Variants in TECPR2 observed in about 807,000 individuals in gnomAD.
TECPR2 encodes tectonin beta-propeller repeat containing 2.
A neutral mutation model predicts 138.1 loss-of-function variants in TECPR2; 65 were observed. The observed-to-expected ratio is 0.47, with a 90% CI of 0.39 to 0.58. The LOEUF is 0.58. Among genes scored for constraint, TECPR2 ranks in the 20% least tolerant of loss-of-function variants. The pLI is 0.00. For synonymous variants in TECPR2, 746 were observed against 749.8 expected (o/e 0.99, Z 0.08); for missense variants, 1,553 against 1,824.5 (o/e 0.85, Z 2.71).
chr14:102,383,717 CT>C (rs1343672073), intron 2 of TECPR2, among the ~76,000 whole-genome samples: 6 of 151,176 alleles, frequency 4.0e-5, no homozygotes, highest in African/African-American at 1.5e-4. Flanking sequence ...CCCGTATTGT[CT>C]TTTAGAAAAA....
At chr14:102,386,139 A>G (rs1887995217) in intron 2 of TECPR2, among the ~76,000 whole-genome samples, 1 of 152,048 alleles carries the variant, frequency 6.6e-6, no homozygotes. Context: ...TAGGATATCA[A>G]ACTTATAATT....
rs1888469406 is a variant in TECPR2, at chr14:102,401,265, C to G, written c.220-6073C>G. Among the ~76,000 whole-genome samples, 4 of 151,610 alleles carry G rather than the reference C, an allele frequency of 2.6e-5. No homozygotes were observed. In the South Asian group the frequency reaches 8.3e-4, roughly 32 times the overall value. ...ACCAGCCTGGGTAACATGGTGAAACCCAAACTCTACTAAAAATACAAACAT... is the reference window on the plus strand; with the variant it reads ...ACCAGCCTGGGTAACATGGTGAAACGCAAACTCTACTAAAAATACAAACAT... On this transcript the variant is annotated intron_variant, in intron 2 of 19. Coordinates refer to ENST00000359520, the MANE Select transcript of TECPR2 (RefSeq NM_014844.5).
At chr14:102,418,534 C>T (rs1406551895) in intron 5 of TECPR2, among the ~76,000 whole-genome samples, 2 of 152,228 alleles carry the variant, frequency 1.3e-5, no homozygotes, top group African/African-American at 2.4e-5. Flanking sequence ...GAGGGCCCTG[C>T]GCACCGAGGA....
intron 17 of TECPR2, among the ~76,000 whole-genome samples, chr14:102,474,631 A>G (rs983636243): frequency 6.6e-6 from 1 of 152,228 alleles, no homozygotes; most frequent in Non-Finnish European, 1.5e-5. Flanking sequence ...TCTCAAAAAA[A>G]AGACTATTTT....
intron 5 of TECPR2, among the ~76,000 whole-genome samples, chr14:102,418,999 C>T (rs1010599557): frequency 6.6e-6 from 1 of 152,022 alleles, no homozygotes; most frequent in African/African-American, 2.4e-5. Context: ...ATGTCCTCTC[C>T]CTGCAGTGGA....
At chr14:102,397,883 C>T (rs1888356905) in intron 2 of TECPR2, among the ~76,000 whole-genome samples, 1 of 151,858 alleles carries the variant, frequency 6.6e-6, no homozygotes, top group Non-Finnish European at 1.5e-5. Context: ...GCCTGGCCAA[C>T]ATGTTGAAAC....
intron 17 of TECPR2, among the ~76,000 whole-genome samples, chr14:102,471,878 C>T (rs1218386069): frequency 1.3e-5 from 2 of 152,188 alleles, no homozygotes; most frequent in East Asian, 3.9e-4. Context: ...CTGTTACTTC[C>T]TCCACACATT....
chr14:102,457,828 C>T (rs1339495246), intron 16 of TECPR2, among the ~76,000 whole-genome samples: 1 of 148,668 alleles, frequency 6.7e-6, no homozygotes, highest in African/African-American at 2.5e-5. Flanking sequence ...CCCAATTGTG[C>T]TCTTCTTCCT....
At chr14:102,480,841 GTTTTTTTTT>G (rs71119706) in intron 17 of TECPR2, among the ~76,000 whole-genome samples, 2 of 75,182 alleles carry the variant, frequency 2.7e-5, no homozygotes, top group African/African-American at 5.3e-5. Flanking sequence ...TTGGTTTTGG[GTTTTTTTTT>G]TTTTTTTTTT....
At chr14:102,429,394 G>A (rs1889408956) in intron 7 of TECPR2, among the ~76,000 whole-genome samples, 1 of 152,192 alleles carries the variant, frequency 6.6e-6, no homozygotes, top group Non-Finnish European at 1.5e-5. Flanking sequence ...ATTTAAATCT[G>A]TCATCTGGGA....
intron 2 of TECPR2, among the ~76,000 whole-genome samples, chr14:102,387,264 C>T (rs1888031997): frequency 6.6e-6 from 1 of 152,072 alleles, no homozygotes; most frequent in African/African-American, 2.4e-5. Flanking sequence ...TTTTTTTCTA[C>T]AGAAGTTAGT....
At chr14:102,390,180 G>GT (rs559256018) in intron 2 of TECPR2, among the ~76,000 whole-genome samples, 206 of 152,298 alleles carry the variant, frequency 1.4e-3, no homozygotes, top group African/African-American at 4.9e-3. Context: ...TCCCAATGTA[G>GT]TTTTGTCTTG....
Position 102,443,195 on chromosome 14 carries a change from C to T in TECPR2, c.2753-452C>T, listed in dbSNP as rs1393177447. Among the ~76,000 whole-genome samples the T allele has an allele frequency of 6.6e-6, 1 of 152,256 alleles. No homozygotes were observed. Among genetic ancestry groups the T allele is most frequent in the African/African-American group, 2.4e-5 (1 of 41,470 alleles). ...GCCTTTGGGCCTCCATCTGGCCACT[C>T]TCCTGCTCTTGGCTTTTGTGTTCTT... On this transcript the variant is annotated intron_variant, in intron 11 of 19. Transcript: ENST00000359520. The surrounding 1 kb of genome is among the most constrained non-coding windows in gnomAD (Gnocchi z 4.9).
intron 17 of TECPR2, among the ~76,000 whole-genome samples, chr14:102,484,993 T>C (rs188591747): frequency 3.9e-4 from 60 of 152,318 alleles, no homozygotes; most frequent in Non-Finnish European, 8.8e-5. Context: ...CCTCTCATGG[T>C]AGTGGTGCTT....
intron 16 of TECPR2, among the ~76,000 whole-genome samples, chr14:102,452,903 G>A (rs966971133): frequency 6.6e-6 from 1 of 152,172 alleles, no homozygotes; most frequent in African/African-American, 2.4e-5. Flanking sequence ...CGCTGCGAGC[G>A]GCTTGAAGGA....
chr14:102,445,700 CTT>C (rs1290676717), intron 12 of TECPR2, 104 bp from the exon 13 acceptor site: 1 of 1,427,504 alleles, frequency 7.0e-7, no homozygotes, highest in African/African-American at 1.4e-5. Context: ...GGCCACGTCT[CTT>C]CTCCCAGCCA....
chr14:102,487,793 G>C (rs545403190), intron 17 of TECPR2, among the ~76,000 whole-genome samples: 15 of 151,138 alleles, frequency 9.9e-5, no homozygotes, highest in African/African-American at 3.6e-4. Flanking sequence ...CGCCCACCTC[G>C]GCCTCCCAAA....
chr14:102,490,390 C>T lies in TECPR2; in HGVS notation c.3790-6589C>T, dbSNP rs550689362. On this transcript the variant is annotated intron_variant, in intron 17 of 19. Coordinates refer to ENST00000359520, the MANE Select transcript of TECPR2 (RefSeq NM_014844.5). ...ATCATGTCATGACACCCAGGGTGTG[C>T]CCAGAGCCCCAGCAGGCAGGACTGC... Among the ~76,000 whole-genome samples the T allele has an allele frequency of 2.3e-4, 35 of 152,338 alleles. 1 individual carries two copies. In the South Asian group the frequency reaches 7.2e-3, roughly 32 times the overall value.
At chr14:102,396,657 T>C (rs4900536) in intron 2 of TECPR2, among the ~76,000 whole-genome samples, 99,965 of 151,926 alleles carry the variant, frequency 0.66, 33,502 homozygotes, top group Middle Eastern at 0.76. Context: ...TCTACTGAGG[T>C]TTACACATTC....
Sources: allele counts gnomAD v4.1 joint callset (sites outside exome capture counted in the v4.1 genomes callset), GRCh38; gene constraint gnomAD v4.1.1; non-coding constraint Gnocchi (gnomAD v3.1); transcripts MANE v1.5; gene names NCBI Gene and HGNC (gene_info 2026-07-23, HGNC 2026-07-21).